TPD52L1: variants seen among roughly 807,000 people sequenced by gnomAD.
TPD52L1 encodes tumor protein D53.
Under a neutral mutation model 28.7 loss-of-function variants are expected in TPD52L1, and 18 were observed. The observed-to-expected ratio is 0.63, with a 90% CI of 0.43 to 0.93. TPD52L1 has a LOEUF of 0.93. Among genes scored for constraint, TPD52L1 ranks in the 40% least tolerant of loss-of-function variants. The probability of loss-of-function intolerance (pLI) is 0.00; values close to 1 mark genes in which losing one functional copy is unlikely to be tolerated. For missense variants in TPD52L1, 203 were observed against 254.8 expected, an observed-to-expected ratio of 0.80 and a Z score of 1.39; for synonymous variants, 75 against 88.8, an observed-to-expected ratio of 0.84 and a Z score of 0.88.
chr6:125,175,993 T>C (rs1284374061), intron 1 of TPD52L1, among the ~76,000 whole-genome samples: 3 of 152,182 alleles, frequency 2.0e-5, no homozygotes, highest in South Asian at 2.1e-4. Context: ...TCCAACATAC[T>C]AGAAGAGATG....
intron 6 of TPD52L1, 111 bp downstream of exon 6, chr6:125,257,269 A>G (rs540210761): frequency 3.9e-6 from 3 of 767,462 alleles, no homozygotes; most frequent in Non-Finnish European, 6.5e-6. Context: ...GCTTGCATCA[A>G]GTCAGACCTT....
rs866659581 is a variant in TPD52L1, at chr6:125,154,697, G to A, written c.19+727G>A. On this transcript the variant is annotated intron_variant, in intron 1 of 6. Coordinates refer to ENST00000534000, the MANE Select transcript of TPD52L1 (RefSeq NM_003287.4). ...GGGGTCACACTTGGAACAGGGTTGG[G>A]GAATTCCGATGGAATCGTTCAAGAA... 6.1e-4 allele frequency among the ~76,000 whole-genome samples: 93 copies of A among 152,300 alleles called. 2 individuals are homozygous for A. The highest frequency in any genetic ancestry group is 2.1e-4 in the South Asian group (1 of 4,830).
chr6:125,244,277 T>A (rs1295331128), intron 3 of TPD52L1, among the ~76,000 whole-genome samples: 1 of 152,216 alleles, frequency 6.6e-6, no homozygotes. Flanking sequence ...TGAGTTGACT[T>A]TAGGCCATTA....
At chr6:125,169,740 G>A (rs1791155305) in intron 1 of TPD52L1, among the ~76,000 whole-genome samples, 2 of 152,102 alleles carry the variant, frequency 1.3e-5, no homozygotes, top group South Asian at 4.1e-4. Flanking sequence ...CTTGGTCCTG[G>A]ACTGCCTTCA....
intron 1 of TPD52L1, among the ~76,000 whole-genome samples, chr6:125,170,076 G>A (rs1345965294): frequency 1.3e-5 from 2 of 152,016 alleles, no homozygotes; most frequent in Non-Finnish European, 2.9e-5. Context: ...CCTTAGATCT[G>A]GCAACTGGAC....
At chr6:125,161,385 G>A (rs577345562) in intron 1 of TPD52L1, among the ~76,000 whole-genome samples, 1 of 152,286 alleles carries the variant, frequency 6.6e-6, no homozygotes, top group Admixed American at 6.5e-5. Context: ...TGTGTGTTCA[G>A]TGGAATAGCA....
chr6:125,192,625 T>C (rs138860961), intron 1 of TPD52L1, among the ~76,000 whole-genome samples: 54 of 152,312 alleles, frequency 3.5e-4, no homozygotes, highest in African/African-American at 1.3e-3. Context: ...TTCCCTTTGT[T>C]GACTTTCCAA....
chr6:125,158,748 G>C (rs1016944728), intron 1 of TPD52L1, among the ~76,000 whole-genome samples: 1 of 152,086 alleles, frequency 6.6e-6, no homozygotes, highest in Non-Finnish European at 1.5e-5. Context: ...AGCAGGTCCA[G>C]TCTCTTATAC....
chr6:125,223,138 A>G (rs1795366320), intron 2 of TPD52L1, among the ~76,000 whole-genome samples: 1 of 151,990 alleles, frequency 6.6e-6, no homozygotes, highest in African/African-American at 2.4e-5. Context: ...TCAGGTTGAC[A>G]CCTCCTACTG....
intron 1 of TPD52L1, among the ~76,000 whole-genome samples, chr6:125,208,048 G>A (rs1469019604): frequency 6.6e-6 from 1 of 152,202 alleles, no homozygotes; most frequent in Non-Finnish European, 1.5e-5. Context: ...TGCAGTGGTA[G>A]CAGCAGTTAT....
intron 3 of TPD52L1, among the ~76,000 whole-genome samples, chr6:125,233,035 A>G (rs1171020854): frequency 6.6e-6 from 1 of 152,100 alleles, no homozygotes; most frequent in African/African-American, 2.4e-5. Flanking sequence ...AGGAAATACA[A>G]CTTTATGGTG....
chr6:125,172,161 C>CTTTCT (rs1562211783), intron 1 of TPD52L1, among the ~76,000 whole-genome samples: 50 of 50,550 alleles, frequency 9.9e-4, no homozygotes, highest in Admixed American at 3.4e-3. Flanking sequence ...TCTTTCTTTT[C>CTTTCT]TTTCTTTCTT....
At chr6:125,167,455 A>G (rs902499297) in intron 1 of TPD52L1, among the ~76,000 whole-genome samples, 1 of 152,210 alleles carries the variant, frequency 6.6e-6, no homozygotes, top group African/African-American at 2.4e-5. Context: ...ATGTTCCACC[A>G]GGCTCTTGTA....
At chr6:125,245,252 T>C (rs1179333115) in intron 3 of TPD52L1, among the ~76,000 whole-genome samples, 1 of 152,190 alleles carries the variant, frequency 6.6e-6, no homozygotes, top group East Asian at 1.9e-4. Context: ...GCCAGGATGT[T>C]ACAGGCAGCA....
At chr6:125,188,716 C>T (rs945875094) in intron 1 of TPD52L1, among the ~76,000 whole-genome samples, 8 of 152,128 alleles carry the variant, frequency 5.3e-5, no homozygotes, top group Non-Finnish European at 1.0e-4. Flanking sequence ...TAGTAACCCA[C>T]TAAATGGGGT....
chr6:125,179,842 GT>G (rs888644701), intron 1 of TPD52L1, among the ~76,000 whole-genome samples: 5 of 152,270 alleles, frequency 3.3e-5, no homozygotes, highest in South Asian at 2.1e-4. Flanking sequence ...CTTAAAGGGA[GT>G]TTTTTTCTGC....
At chr6:125,226,725 AAGC>A (rs1393186803) in intron 2 of TPD52L1, among the ~76,000 whole-genome samples, 1 of 152,072 alleles carries the variant, frequency 6.6e-6, no homozygotes, top group Non-Finnish European at 1.5e-5. Context: ...AAATGAAAGA[AAGC>A]AGAAATGGCC....
intron 4 of TPD52L1, chr6:125,252,704 T>C (rs1276859877): frequency 1.3e-5 from 2 of 152,258 alleles, no homozygotes; most frequent in African/African-American, 4.8e-5. Flanking sequence ...GAGGCTCTTT[T>C]AGTGATGCTT....
chr6:125,255,227 GA>G (rs1797526278), intron 5 of TPD52L1, among the ~76,000 whole-genome samples: 1 of 152,096 alleles, frequency 6.6e-6, no homozygotes, highest in South Asian at 2.1e-4. Context: ...GAGCTTGCCT[GA>G]AACTAACTTA....
Sources: allele counts gnomAD v4.1 joint callset (sites outside exome capture counted in the v4.1 genomes callset), GRCh38; gene constraint gnomAD v4.1.1; transcripts MANE v1.5; gene names NCBI Gene and HGNC (gene_info 2026-07-23, HGNC 2026-07-21).